Variants in DSC3 observed in about 807,000 individuals in gnomAD.
The protein encoded by DSC3 is desmocollin 3, also known as desmocollin-3.
Under a neutral mutation model 89.5 loss-of-function variants are expected in DSC3, and 97 were observed. The observed-to-expected ratio is 1.08, with a 90% CI of 0.92 to 1.28. DSC3 has a LOEUF of 1.28. Ranked by LOEUF, DSC3 falls within the 50% of genes most tolerant of loss-of-function variation. The pLI, the probability that DSC3 is intolerant of heterozygous loss-of-function variation, is 0.00. For synonymous variants in DSC3, 436 were observed against 384.1 expected (o/e 1.14, Z -1.58); for missense variants, 1,199 against 1,085.3 (o/e 1.10, Z -1.47).
chr18:31,017,383 T>G (rs1985270789), intron 9 of DSC3, among the ~76,000 whole-genome samples: 1 of 152,204 alleles, frequency 6.6e-6, no homozygotes, highest in Admixed American at 6.5e-5. Flanking sequence ...TTTGTTTTGT[T>G]CTGGGCTAGA....
chr18:31,025,794 C>G lies in DSC3; in HGVS notation c.596G>C (p.Arg199Pro), dbSNP rs138949508. Residue 199 changes from arginine (R) to proline (P), a missense_variant, in exon 5 of 16, where the codon CGG becomes CCG. Arg to Pro is a moderately radical substitution (Grantham distance 103, BLOSUM62 -2). Transcript: ENST00000360428. ...ATCATATTCTTCACGATCCACAGGC[C>G]GAGTGCAAAATAGATTTCCAGTGTC... ...ERDTGNLFCT[R>P]PVDREEYDVF... The G allele has an allele frequency of 6.2e-7, 1 of 1,613,074 alleles. No individual in the cohort carries two copies. The highest frequency in any genetic ancestry group is 8.5e-7 in the Non-Finnish European group (1 of 1,179,382).
At chr18:31,032,073 A>G in intron 2 of DSC3, 119 bp downstream of exon 2, 2 of 725,092 alleles carry the variant, frequency 2.8e-6, no homozygotes, top group South Asian at 3.1e-5. Context: ...TACTCCCTGG[A>G]GGAACATCCC....
At chr18:31,032,777 G>A (rs999622997) in intron 1 of DSC3, among the ~76,000 whole-genome samples, 2 of 152,074 alleles carry the variant, frequency 1.3e-5, no homozygotes, top group African/African-American at 4.8e-5. Context: ...TATATTTTTA[G>A]TAGGGATGGG....
At position 31,007,999 on chromosome 18, in the gene DSC3, T is replaced by C; in HGVS notation, c.1663+17A>G. On this transcript the variant is annotated intron_variant, in intron 11 of 15. Transcript: ENST00000360428. Reference sequence around the variant, plus strand: ...CTAATTCCTTTATAGAATACCAGATTAAAACTTTTTTTTTACCTTTGTCTA... The same window carrying C: ...CTAATTCCTTTATAGAATACCAGATCAAAACTTTTTTTTTACCTTTGTCTA... 1 of 1,605,534 alleles carries C rather than the reference T, an allele frequency of 6.2e-7. No homozygotes were observed. Among genetic ancestry groups the C allele is most frequent in the Non-Finnish European group, 8.5e-7 (1 of 1,173,236 alleles).
intron 6 of DSC3, among the ~76,000 whole-genome samples, chr18:31,023,884 G>A (rs556081978): frequency 3.9e-5 from 6 of 152,154 alleles, no homozygotes; most frequent in African/African-American, 1.4e-4. Context: ...TAGTGAGGTA[G>A]TAGTTTTAAA....
chr18:31,022,572 A>G, intron 6 of DSC3, 70 bp from the exon 7 acceptor site: 1 of 1,542,324 alleles, frequency 6.5e-7, no homozygotes, highest in Non-Finnish European at 8.9e-7. Flanking sequence ...AGTATCTACA[A>G]TCTTAAAATG....
intron 6 of DSC3, among the ~76,000 whole-genome samples, chr18:31,023,316 A>T (rs79102496): frequency 0.011 from 1,714 of 152,252 alleles, 34 homozygotes; most frequent in African/African-American, 0.039. Flanking sequence ...ACTCAGAGGG[A>T]CTTCCATGAG....
At chr18:31,010,783 C>T (rs1248053433) in intron 9 of DSC3, among the ~76,000 whole-genome samples, 9 of 152,178 alleles carry the variant, frequency 5.9e-5, no homozygotes, top group African/African-American at 1.9e-4. Flanking sequence ...GTCACTGCTG[C>T]TGCTCCAATG....
chr18:31,012,070 C>T (rs922667408), intron 9 of DSC3, among the ~76,000 whole-genome samples: 4 of 149,026 alleles, frequency 2.7e-5, no homozygotes, highest in African/African-American at 9.9e-5. Flanking sequence ...ACTAGCATGG[C>T]TATCAAAGGA....
chr18:31,012,112 GT>G (rs1481596516), intron 9 of DSC3, among the ~76,000 whole-genome samples: 1 of 151,960 alleles, frequency 6.6e-6, no homozygotes, highest in African/African-American at 2.4e-5. Flanking sequence ...TTTTCTAAGG[GT>G]TTGGATAAAA....
At position 30,990,840 on chromosome 18, in the gene DSC3, A is replaced by G. The variant is rs1464260944; in HGVS notation, c.*3335T>C. 1.3e-5 allele frequency: 2 copies of G among 152,224 alleles called. No individual in the cohort carries two copies. The highest frequency in any genetic ancestry group is 3.8e-4 in the East Asian group (2 of 5,202). The allele number at this position is 152,224 out of a possible 1,614,324, so 9.4% of individuals were successfully genotyped here. On this transcript the variant is annotated 3_prime_UTR_variant, in exon 16 of 16. Transcript: ENST00000360428. The stretch of plus-strand genomic sequence containing the variant: ...TCAAAATTTATTATACATATGTATC[A>G]TAGATACTCATCTGTAAAGCTGTGC...
At chr18:31,036,378 T>C (rs1246348513) in intron 1 of DSC3, among the ~76,000 whole-genome samples, 3 of 152,202 alleles carry the variant, frequency 2.0e-5, no homozygotes, top group African/African-American at 7.2e-5. Flanking sequence ...CTTTAATCAC[T>C]TATCTATTGT....
At chr18:31,010,989 G>A (rs1008535874) in intron 9 of DSC3, among the ~76,000 whole-genome samples, 1 of 152,162 alleles carries the variant, frequency 6.6e-6, no homozygotes, top group Non-Finnish European at 1.5e-5. Context: ...TATTATATTT[G>A]AAGAGCTATT....
Position 31,029,428 on chromosome 18 carries a change from T to C in DSC3, c.474+81A>G, listed in dbSNP as rs191253387. On this transcript the variant is annotated intron_variant, in intron 4 of 15. Coordinates refer to ENST00000360428, the MANE Select transcript of DSC3 (RefSeq NM_001941.5). ...CTTTAATCAGATCTGTTTATTTTTA[T>C]ATGTTTAAAGAGGTATTAAATCTCA... 1,101 of 1,535,644 alleles carry C rather than the reference T, an allele frequency of 7.2e-4. 5 individuals carry two copies. Among genetic ancestry groups the C allele is most frequent in the Non-Finnish European group, 5.9e-4 (654 of 1,112,324 alleles).
chr18:31,027,573 A>G (rs1985642503), intron 4 of DSC3, among the ~76,000 whole-genome samples: 2 of 151,736 alleles, frequency 1.3e-5, no homozygotes, highest in Admixed American at 1.3e-4. Flanking sequence ...TAAGATACAG[A>G]TCAATCTTTT....
rs201289822 is a variant in DSC3, at chr18:31,032,320, TA to T, written c.70-45del. On this transcript the variant is annotated intron_variant, in intron 1 of 15. Transcript: ENST00000360428. The stretch of plus-strand genomic sequence containing the variant: ...CATTAATACAGTAGAAAATAAAGAT[TA>T]AAAAAAACATAATCATATCAATAGA... 1,328 of 1,428,462 alleles carry T rather than the reference TA, an allele frequency of 9.3e-4. 4 individuals are homozygous for T. In the African/African-American group the frequency reaches 0.011, roughly 11 times the overall value. The allele number at this position is 1,428,462 out of a possible 1,614,324, so 88.5% of individuals were successfully genotyped here. A position where few individuals can be genotyped will look rare whatever the true frequency, so the allele number is the denominator to read the frequency against.
At position 31,021,740 on chromosome 18, in the gene DSC3, T is replaced by C. The variant is rs529603936; in HGVS notation, c.942+596A>G. On this transcript the variant is annotated intron_variant, in intron 7 of 15. Transcript: ENST00000360428. ...AATTTGACCTGAGCAAGTCAATCAA[T>C]GTTTCTGTCACATTTCTCATTTATA... Among the ~76,000 whole-genome samples the C allele has an allele frequency of 1.9e-4, 29 of 152,306 alleles. 1 individual carries two copies. In the South Asian group the frequency reaches 6.0e-3, roughly 32 times the overall value.
chr18:31,017,752 A>C (rs1236787442), intron 9 of DSC3, among the ~76,000 whole-genome samples: 1 of 152,182 alleles, frequency 6.6e-6, no homozygotes, highest in African/African-American at 2.4e-5. Context: ...AACCAAACAT[A>C]TGAGTTATAG....
chr18:31,015,688 C>G (rs1029197189), intron 9 of DSC3, among the ~76,000 whole-genome samples: 4 of 152,146 alleles, frequency 2.6e-5, no homozygotes, highest in Non-Finnish European at 5.9e-5. Context: ...GGAGAAGCTG[C>G]CTTCTGACCA....
Sources: gnomAD v4.1 joint callset for allele counts (sites outside exome capture counted in the v4.1 genomes callset) on GRCh38, gnomAD v4.1.1 for gene constraint, MANE v1.5 for transcripts, NCBI Gene and HGNC (gene_info 2026-07-23, HGNC 2026-07-21) for gene names.